B3GNT3: variants seen among roughly 807,000 people sequenced by gnomAD.
B3GNT3 encodes N-acetyllactosaminide beta-1,3-N-acetylglucosaminyltransferase 3.
A neutral mutation model predicts 11.6 loss-of-function variants in B3GNT3; 7 were observed. That is an observed-to-expected ratio of 0.60 (90% CI 0.34 to 1.13). The LOEUF is 1.13. B3GNT3 is among the 50% of genes most tolerant of loss of function. B3GNT3 has a pLI of 0.03. For missense variants in B3GNT3, 400 were observed against 507.4 expected, an observed-to-expected ratio of 0.79 and a Z score of 2.03; for synonymous variants, 201 against 222.1, an observed-to-expected ratio of 0.90 and a Z score of 0.85.
intron 1 of B3GNT3, among the ~76,000 whole-genome samples, chr19:17,807,485 G>A (rs1046027869): frequency 2.0e-5 from 3 of 149,160 alleles, no homozygotes; most frequent in African/African-American, 7.4e-5. Flanking sequence ...GAACAAGAGA[G>A]AGAGAGAGAG....
intron 1 of B3GNT3, among the ~76,000 whole-genome samples, chr19:17,806,498 A>C (rs2094173135): frequency 6.6e-6 from 1 of 152,070 alleles, no homozygotes; most frequent in African/African-American, 2.4e-5. Context: ...TCTGTGCCCC[A>C]GGTGGCCGAG....
At chr19:17,800,244 G>A (rs556883781) in intron 1 of B3GNT3, among the ~76,000 whole-genome samples, 1 of 152,146 alleles carries the variant, frequency 6.6e-6, no homozygotes, top group East Asian at 1.9e-4. Context: ...GTGTGGTGGC[G>A]CACACTTGTA....
In B3GNT3 at chr19:17,802,861, T is replaced by A. The variant is rs561197593; in HGVS notation, c.-50-4897T>A. Among the ~76,000 whole-genome samples the A allele has an allele frequency of 1.0e-3, 156 of 152,042 alleles. 2 individuals carry two copies. Among genetic ancestry groups the A allele is most frequent in the South Asian group, 2.3e-3 (11 of 4,812 alleles). Reference sequence around the variant, plus strand: ...CTCAGCTAATTTTTTTACTTTTTTTTTTAATTTTTAGCACAGACAGGTCTC... The same window carrying A: ...CTCAGCTAATTTTTTTACTTTTTTTATTAATTTTTAGCACAGACAGGTCTC... On this transcript the variant is annotated intron_variant, in intron 1 of 2. Coordinates refer to ENST00000318683, the MANE Select transcript of B3GNT3 (RefSeq NM_014256.4).
rs1414374390 is a variant in B3GNT3, at chr19:17,812,212, G to T, written c.*90G>T. 7 of 1,344,502 alleles carry T rather than the reference G, an allele frequency of 5.2e-6. No homozygotes were observed. Among genetic ancestry groups the T allele is most frequent in the Admixed American group, 2.7e-5 (1 of 36,416 alleles). The allele number at this position is 1,344,502 out of a possible 1,614,324, so 83.3% of individuals were successfully genotyped here. ...CAGGAAGCTGAGACCTTTGTGGTCT[G>T]AGCATAAGGGAGTGCCAGGGAAGGT... is the stretch of plus-strand genomic sequence containing the variant. On this transcript the variant is annotated 3_prime_UTR_variant, in exon 3 of 3. Transcript: ENST00000318683.
In B3GNT3 at chr19:17,803,280, A is replaced by G. The variant is rs56176309; in HGVS notation, c.-50-4478A>G. The stretch of plus-strand genomic sequence containing the variant: ...CTTGACCTCCCAAAGTACCGGGATT[A>G]CAGACGTGGGCCACAGCTCCCGGCC... On this transcript the variant is annotated intron_variant, in intron 1 of 2. Transcript: ENST00000318683. Among the ~76,000 whole-genome samples the G allele has an allele frequency of 6.2e-3, 949 of 152,210 alleles. 8 individuals carry two copies. The highest frequency in any genetic ancestry group is 7.1e-3 in the Non-Finnish European group (484 of 68,008).
intron 2 of B3GNT3, 97 bp downstream of exon 2, chr19:17,808,471 C>A: frequency 8.0e-7 from 1 of 1,242,692 alleles, no homozygotes; most frequent in Non-Finnish European, 1.1e-6. Flanking sequence ...AAGTCCTCGT[C>A]AGTCCATCAC....
chr19:17,805,106 A>AAT (rs1555739659), intron 1 of B3GNT3, among the ~76,000 whole-genome samples: 1 of 132,044 alleles, frequency 7.6e-6, no homozygotes, highest in African/African-American at 2.8e-5. Context: ...GACCACAGGG[A>AAT]TTTTTTTTTT....
Position 17,813,513 on chromosome 19 carries a change from C to T in B3GNT3, c.*1391C>T, listed in dbSNP as rs1268099866. On this transcript the variant is annotated 3_prime_UTR_variant, in exon 3 of 3. Transcript: ENST00000318683. ...TCTATCAGGCAGATCTGACCTCATC[C>T]CACCCACCCCCTGCTCAGATACCCT... 6.6e-6 allele frequency among the ~76,000 whole-genome samples: 1 copy of T among 151,520 alleles called. No homozygotes were observed. Among genetic ancestry groups the T allele is most frequent in the Non-Finnish European group, 1.5e-5 (1 of 68,010 alleles).
In B3GNT3 at chr19:17,811,981, G is replaced by T; in HGVS notation, c.978G>T (p.Ser326=). Residue 326 remains serine, a synonymous_variant, in exon 3 of 3, where the codon TCG becomes TCT. Transcript: ENST00000318683. The surrounding 1 kb of genome is among the most constrained non-coding windows in gnomAD (Gnocchi z 4.1). ...GIRTSGVRAP[S]QRLSSFDPCF... ...GCACGTCTGGCGTGCGGGCTCCATCGCAACGCCTGTCCTCCTTTGACCCCT... is the reference window on the plus strand; with the variant it reads ...GCACGTCTGGCGTGCGGGCTCCATCTCAACGCCTGTCCTCCTTTGACCCCT... 6.2e-7 allele frequency: 1 copy of T among 1,605,814 alleles called. No individual in the cohort carries two copies. The highest frequency in any genetic ancestry group is 1.3e-5 in the African/African-American group (1 of 75,054).
chr19:17,806,428 T>C (rs977076308), intron 1 of B3GNT3, among the ~76,000 whole-genome samples: 5 of 152,178 alleles, frequency 3.3e-5, no homozygotes, highest in African/African-American at 9.7e-5. Context: ...ACTCTAGGGC[T>C]GATGAGCACT....
Position 17,808,004 on chromosome 19 carries a change from C to T in B3GNT3, c.197C>T (p.Ser66Phe). The part of the protein sequence containing the change: ...PAPAPCHANT[S>F]MVTHPDFATQ... ...CCGGCCCCGTGCCATGCCAACACCTCTATGGTCACCCACCCGGACTTCGCC... is the reference window on the plus strand; with the variant it reads ...CCGGCCCCGTGCCATGCCAACACCTTTATGGTCACCCACCCGGACTTCGCC... The change falls in exon 2 of 3, where the codon TCT becomes TTT. Residue 66 changes from serine to phenylalanine, a missense_variant. Ser to Phe is a radical substitution (Grantham distance 155). Transcript: ENST00000318683. The T allele has an allele frequency of 1.2e-6, 2 of 1,611,792 alleles. No homozygotes were observed. Among genetic ancestry groups the T allele is most frequent in the Non-Finnish European group, 1.7e-6 (2 of 1,179,118 alleles).
intron 1 of B3GNT3, among the ~76,000 whole-genome samples, chr19:17,805,384 C>T (rs2094171884): frequency 6.6e-6 from 1 of 152,134 alleles, no homozygotes; most frequent in Non-Finnish European, 1.5e-5. Context: ...TAGGCCTGAG[C>T]CACCTTGCCC....
At chr19:17,795,380 A>G (rs896045736) in intron 1 of B3GNT3, among the ~76,000 whole-genome samples, 174 bp downstream of exon 1, 1 of 152,100 alleles carries the variant, frequency 6.6e-6, no homozygotes, top group Non-Finnish European at 1.5e-5. Context: ...ACCCATCCGT[A>G]ATTGTCTCCG....
intron 1 of B3GNT3, among the ~76,000 whole-genome samples, chr19:17,795,533 T>C (rs1240211144): frequency 6.6e-6 from 1 of 152,152 alleles, no homozygotes; most frequent in East Asian, 1.9e-4. Context: ...GCTGTTACTG[T>C]TACCTGTGTT....
intron 1 of B3GNT3, among the ~76,000 whole-genome samples, chr19:17,799,133 C>T (rs761541966): frequency 1.6e-4 from 24 of 152,178 alleles, no homozygotes; most frequent in Admixed American, 2.6e-4. Context: ...TCACCCTCCA[C>T]CTCTTGCCTT....
At chr19:17,809,603 T>C (rs1179557499) in intron 2 of B3GNT3, among the ~76,000 whole-genome samples, 2 of 151,910 alleles carry the variant, frequency 1.3e-5, no homozygotes, top group African/African-American at 4.8e-5. Flanking sequence ...CATGCCACTA[T>C]GCCCAGCTAA....
chr19:17,795,882 C>T (rs769220376), intron 1 of B3GNT3, among the ~76,000 whole-genome samples: 3 of 152,104 alleles, frequency 2.0e-5, no homozygotes, highest in African/African-American at 7.2e-5. Context: ...CTCAGTTTCC[C>T]TGTGTGTTAA....
At chr19:17,806,220 A>G (rs1027813522) in intron 1 of B3GNT3, among the ~76,000 whole-genome samples, 1 of 151,614 alleles carries the variant, frequency 6.6e-6, no homozygotes, top group Non-Finnish European at 1.5e-5. Flanking sequence ...ACCTCAAGTA[A>G]TCCACCTGCC....
In B3GNT3 at chr19:17,808,343, A is replaced by T; in HGVS notation, c.536A>T (p.His179Leu). ...GGAGACATCCTGCAGTGGGACTTCC[A>T]CGACTCCTTCTTCAACCTCACGCTC... The part of the protein sequence containing the change: ...THGDILQWDF[H>L]DSFFNLTLKQ... Residue 179 changes from histidine to leucine, a missense_variant, in exon 2 of 3, where the codon CAC (histidine) becomes CTC (leucine). Transcript: ENST00000318683. 1 of 1,610,556 alleles carries T rather than the reference A, an allele frequency of 6.2e-7. No individual in the cohort carries two copies. Among genetic ancestry groups the T allele is most frequent in the Non-Finnish European group, 8.5e-7 (1 of 1,178,254 alleles).
Sources: gnomAD v4.1 joint callset for allele counts (sites outside exome capture counted in the v4.1 genomes callset) on GRCh38, gnomAD v4.1.1 for gene constraint, Gnocchi (gnomAD v3.1) non-coding constraint, MANE v1.5 for transcripts, NCBI Gene and HGNC (gene_info 2026-07-23, HGNC 2026-07-21) for gene names.